The following PCYT1B variants were observed in gnomAD, a reference collection of about 807,000 sequenced individuals.
PCYT1B encodes the protein choline-phosphate cytidylyltransferase B.
A neutral mutation model predicts 26.4 loss-of-function variants in PCYT1B; 10 were observed. The ratio of observed to expected loss-of-function variants is 0.38; its 90% CI spans 0.23 to 0.64. The LOEUF (loss-of-function observed/expected upper bound fraction) is 0.64, where lower values mean the gene tolerates loss of function less well. Ranked by LOEUF, PCYT1B falls within the 30% of genes least tolerant of loss-of-function variation. The probability of loss-of-function intolerance (pLI) is 0.56; values close to 1 mark genes in which losing one functional copy is unlikely to be tolerated. For synonymous variants in PCYT1B, 131 were observed against 108.4 expected (o/e 1.21, Z -1.29); for missense variants, 161 against 292.7 (o/e 0.55, Z 3.28).
At chrX:24,574,103 C>T (rs1183827764) in intron 7 of PCYT1B, among the ~76,000 whole-genome samples, 1 of 111,255 alleles carries the variant, frequency 9.0e-6, no homozygotes, top group Admixed American at 9.7e-5. Flanking sequence ...AGTGACAACC[C>T]GTCAATAAAA....
upstream of PCYT1B, among the ~76,000 whole-genome samples, chrX:24,652,226 A>G (rs1926798256): frequency 8.9e-6 from 1 of 112,405 alleles, no homozygotes; most frequent in Non-Finnish European, 1.9e-5. Context: ...GCACTATGGT[A>G]TTAGGTTGGT....
In PCYT1B at chrX:24,558,332, T is replaced by C. The variant is rs61743973; in HGVS notation, c.*3961A>G. On this transcript the variant is annotated 3_prime_UTR_variant, in exon 8 of 8. Coordinates refer to ENST00000379144, the MANE Select transcript of PCYT1B (RefSeq NM_004845.5). Reference sequence around the variant, plus strand: ...TATGCTCTACTTATGGCTTTGTCCCTGGACACATCGCAGTGACACAACAGA... The same window carrying C: ...TATGCTCTACTTATGGCTTTGTCCCCGGACACATCGCAGTGACACAACAGA... 8.9e-6 allele frequency: 1 copy of C among 111,999 alleles called. No individual in the cohort carries two copies. The highest frequency in any genetic ancestry group is 3.3e-5 in the African/African-American group (1 of 30,713). The allele number at this position is 111,999 out of a possible 1,213,427, so 9.2% of individuals were successfully genotyped here.
Position 24,590,154 on chromosome X carries a change from G to A in PCYT1B, c.355C>T (p.His119Tyr). The change falls in exon 4 of 8, where the codon CAC (histidine) becomes TAC (tyrosine). Residue 119 changes from histidine to tyrosine, a missense_variant. This residue lies in a region of PCYT1B where 65 missense variants were observed against 145.0 expected (regional missense o/e 0.45). Coordinates refer to ENST00000379144, the MANE Select transcript of PCYT1B (RefSeq NM_004845.5). ...LVGVCSDDLT[H>Y]KFKGFTVMNE... ...ATCACGGTGAAACCTTTGAATTTGT[G>A]GGTGAGATCATCACTGCAAACTAAA... 1 of 1,209,393 alleles carries A rather than the reference G, an allele frequency of 8.3e-7. No homozygotes were observed.
At chrX:24,583,891 C>T (rs1362445020) in intron 5 of PCYT1B, among the ~76,000 whole-genome samples, 1 of 112,085 alleles carries the variant, frequency 8.9e-6, no homozygotes, top group Non-Finnish European at 1.9e-5. Flanking sequence ...CCCACCAGAC[C>T]TACTGAATCT....
chrX:24,663,119 T>G (rs1039329364), intron 1 of PCYT1B, among the ~76,000 whole-genome samples: 2 of 112,360 alleles, frequency 1.8e-5, no homozygotes, highest in South Asian at 7.3e-4. Context: ...AATGTACTAT[T>G]AATATCTTGT....
intron 1 of PCYT1B, among the ~76,000 whole-genome samples, chrX:24,625,818 T>C (rs996732512): frequency 9.5e-6 from 1 of 104,869 alleles, no homozygotes; most frequent in African/African-American, 3.5e-5. Flanking sequence ...GGTAATTGTG[T>C]AGAAATAGTT....
chrX:24,622,343 T>A (rs1211171172), intron 1 of PCYT1B, among the ~76,000 whole-genome samples: 4 of 110,197 alleles, frequency 3.6e-5, no homozygotes, highest in East Asian at 5.7e-4. Context: ...AGATTACAAT[T>A]AAAAAAAAAC....
At chrX:24,602,028 C>T (rs1649739842) in intron 3 of PCYT1B, among the ~76,000 whole-genome samples, 1 of 112,420 alleles carries the variant, frequency 8.9e-6, no homozygotes, top group South Asian at 3.7e-4. Flanking sequence ...AATGTATGTC[C>T]ATACAAAAAC....
At position 24,561,966 on chromosome X, in the gene PCYT1B, T is replaced by C; in HGVS notation, c.*327A>G. ...CCACAGGTGGTTTACTTGGTGGGGG[T>C]GGTGGAAGGACCAAAGCAGAAGTCA... On this transcript the variant is annotated 3_prime_UTR_variant, in exon 8 of 8. Coordinates refer to ENST00000379144, the MANE Select transcript of PCYT1B (RefSeq NM_004845.5). The C allele has an allele frequency of 7.7e-6, 5 of 653,120 alleles. No individual in the cohort carries two copies. The highest frequency in any genetic ancestry group is 1.2e-5 in the Non-Finnish European group (5 of 414,092). 53.8% of individuals were successfully genotyped at this position (653,120 alleles called of 1,213,427 possible). A position where few individuals can be genotyped will look rare whatever the true frequency, so the allele number is the denominator to read the frequency against.
At chrX:24,667,039 C>T (rs1927142030) in intron 1 of PCYT1B, among the ~76,000 whole-genome samples, 1 of 109,285 alleles carries the variant, frequency 9.2e-6, no homozygotes. Context: ...GTCACCAAAA[C>T]TTGCCTTAGA....
intron 5 of PCYT1B, among the ~76,000 whole-genome samples, chrX:24,586,701 T>C (rs1487733239): frequency 1.8e-5 from 2 of 111,886 alleles, no homozygotes; most frequent in African/African-American, 6.5e-5. Flanking sequence ...GATAGTAAAA[T>C]AGCAGAAAAT....
At chrX:24,657,084 A>C (rs1926937556) in intron 1 of PCYT1B, among the ~76,000 whole-genome samples, 1 of 111,996 alleles carries the variant, frequency 8.9e-6, no homozygotes, top group African/African-American at 3.2e-5. Flanking sequence ...GTCAGTAAAG[A>C]ATGATTGTTG....
intron 1 of PCYT1B, among the ~76,000 whole-genome samples, chrX:24,654,262 G>A (rs1440735457): frequency 4.8e-5 from 5 of 104,162 alleles, no homozygotes; most frequent in Non-Finnish European, 9.8e-5. Context: ...GCGCCACCAC[G>A]CTCAGCTAAT....
intron 1 of PCYT1B, among the ~76,000 whole-genome samples, chrX:24,645,618 G>A (rs1926599101): frequency 9.0e-6 from 1 of 111,623 alleles, no homozygotes. Context: ...ACCATAAGTT[G>A]TTTAGTGACT....
chrX:24,563,013 C>T (rs1923488390), intron 7 of PCYT1B, among the ~76,000 whole-genome samples: 1 of 111,728 alleles, frequency 9.0e-6, no homozygotes. Context: ...AGGCGTGAGC[C>T]ACCATGCCCA....
upstream of PCYT1B, among the ~76,000 whole-genome samples, chrX:24,651,758 G>A (rs1419847632): frequency 9.3e-6 from 1 of 107,004 alleles, no homozygotes; most frequent in African/African-American, 3.4e-5. Context: ...CAAGCGATCT[G>A]CCTGCCTCGG....
chrX:24,601,493 G>GAA (rs770641178), intron 3 of PCYT1B, among the ~76,000 whole-genome samples: 2 of 55,144 alleles, frequency 3.6e-5, no homozygotes, highest in Non-Finnish European at 7.4e-5. Context: ...ACTCTTTCTC[G>GAA]AAAAAAAAAA....
At chrX:24,595,841 A>G (rs977679080) in intron 3 of PCYT1B, among the ~76,000 whole-genome samples, 6 of 107,089 alleles carry the variant, frequency 5.6e-5, no homozygotes, top group African/African-American at 1.7e-4. Flanking sequence ...AGATCACACC[A>G]CTGCACTTCA....
chrX:24,563,326 G>GA (rs1923500784), intron 7 of PCYT1B, among the ~76,000 whole-genome samples: 1 of 111,897 alleles, frequency 8.9e-6, no homozygotes, highest in Non-Finnish European at 1.9e-5. Flanking sequence ...GCCCCACTGA[G>GA]AAAACGCTTC....
Sources: allele counts gnomAD v4.1 joint callset (sites outside exome capture counted in the v4.1 genomes callset), GRCh38; gene constraint gnomAD v4.1.1; regional missense constraint gnomAD v4.1.1; transcripts MANE v1.5; gene names NCBI Gene and HGNC (gene_info 2026-07-23, HGNC 2026-07-21).